The following CEMIP variants were observed in gnomAD, a reference collection of about 807,000 sequenced individuals.
CEMIP encodes the protein cell migration-inducing and hyaluronan-binding protein.
In CEMIP, 105 loss-of-function variants were observed where a neutral mutation model predicts 156.9. That is an observed-to-expected ratio of 0.67 (90% confidence interval 0.57 to 0.79). CEMIP has a LOEUF of 0.79. Ranked by LOEUF, CEMIP falls within the 30% of genes least tolerant of loss-of-function variation. The pLI is 0.00. For synonymous variants in CEMIP, 676 were observed against 668.4 expected (o/e 1.01, Z -0.17); for missense variants, 1,457 against 1,769.4 (o/e 0.82, Z 3.17).
chr15:80,934,415 A>C (rs1313812846), intron 23 of CEMIP, among the ~76,000 whole-genome samples: 1 of 152,208 alleles, frequency 6.6e-6, no homozygotes, highest in Non-Finnish European at 1.5e-5. Flanking sequence ...GCAGAACTTA[A>C]AATATTAGTT....
intron 1 of CEMIP, among the ~76,000 whole-genome samples, chr15:80,872,509 T>C (rs1368520130): frequency 6.6e-6 from 1 of 151,178 alleles, no homozygotes; most frequent in Non-Finnish European, 1.5e-5. Flanking sequence ...TAACGGTGGC[T>C]TAAATAAAAT....
At chr15:80,900,820 A>C in intron 12 of CEMIP, 1 of 374,126 alleles carries the variant, frequency 2.7e-6, no homozygotes, top group Non-Finnish European at 5.3e-6. Flanking sequence ...TGTGAGCCCC[A>C]CCCACCCACC....
chr15:80,887,746 G>A lies in CEMIP; in HGVS notation c.850G>A (p.Asp284Asn). ...AGGAAATCCATCATCTTCAGTGGAAGACCATATTGAATATCATGGTAATAC... is the reference window on the plus strand; with the variant it reads ...AGGAAATCCATCATCTTCAGTGGAAAACCATATTGAATATCATGGTAATAC... Reference protein sequence around the residue: ...VKGNPSSSVEDHIEYHGHRGS... With the variant: ...VKGNPSSSVENHIEYHGHRGS... Residue 284 changes from aspartate to asparagine, a missense_variant, in exon 8 of 30, where the codon GAC becomes AAC. Asp to Asn is a conservative substitution (Grantham distance 23). This residue lies in a region of CEMIP where 17 missense variants were observed against 43.7 expected (regional missense o/e 0.39). Coordinates refer to ENST00000394685, the MANE Select transcript of CEMIP (RefSeq NM_001293298.2). The A allele has an allele frequency of 6.2e-7, 1 of 1,613,430 alleles. No individual in the cohort carries two copies.
intron 1 of CEMIP, among the ~76,000 whole-genome samples, chr15:80,794,996 G>C (rs146634490): frequency 1.3e-5 from 2 of 152,178 alleles, no homozygotes; most frequent in East Asian, 1.9e-4. Flanking sequence ...GACCAAGAGT[G>C]GGGGCAAGGA....
rs1900955047 is a variant in CEMIP, at chr15:80,932,431, G to C, written c.2793+392G>C. Among the ~76,000 whole-genome samples the C allele has an allele frequency of 6.6e-6, 1 of 152,200 alleles. No homozygotes were observed. Among genetic ancestry groups the C allele is most frequent in the Non-Finnish European group, 1.5e-5 (1 of 68,028 alleles). ...CCCACAGTTTCCAAGGGAAGTCTTA[G>C]CTGATGATGTTCTGTTTAATCTCTC... On this transcript the variant is annotated intron_variant, in intron 22 of 29. Transcript: ENST00000394685. This position sits in a 1 kb window ranked among gnomAD's most constrained non-coding sequence, Gnocchi z 4.5.
chr15:80,866,352 G>A lies in CEMIP; in HGVS notation c.-175-7186G>A, dbSNP rs557084182. ...AGCCTGTAATCCCAGCACTTTGGGA[G>A]GTCGAGGCAGGTGGATCACTTGAAG... On this transcript the variant is annotated intron_variant, in intron 1 of 29. Coordinates refer to ENST00000394685, the MANE Select transcript of CEMIP (RefSeq NM_001293298.2). Among the ~76,000 whole-genome samples, 120 of 152,268 alleles carry A rather than the reference G, an allele frequency of 7.9e-4. No individual in the cohort carries two copies. In the South Asian group the frequency reaches 0.01, roughly 13 times the overall value.
intron 1 of CEMIP, among the ~76,000 whole-genome samples, chr15:80,836,288 A>G (rs1195689032): frequency 6.6e-6 from 1 of 152,198 alleles, no homozygotes; most frequent in Admixed American, 6.5e-5. Context: ...CATCTTTTTC[A>G]GGACTGGTGC....
intron 10 of CEMIP, among the ~76,000 whole-genome samples, chr15:80,893,112 G>A (rs1386141941): frequency 6.6e-6 from 1 of 152,134 alleles, no homozygotes; most frequent in Non-Finnish European, 1.5e-5. Context: ...GCTTGAACAG[G>A]TGGAGGTTGC....
At chr15:80,909,823 A>G (rs187485651) in intron 14 of CEMIP, 18 of 352,922 alleles carry the variant, frequency 5.1e-5, no homozygotes, top group Non-Finnish European at 7.8e-5. Flanking sequence ...TCCACAGATA[A>G]TTTTCGTACT....
chr15:80,804,694 A>G (rs1214842432), intron 1 of CEMIP, among the ~76,000 whole-genome samples: 2 of 152,186 alleles, frequency 1.3e-5, no homozygotes, highest in Non-Finnish European at 2.9e-5. Flanking sequence ...ATTCCTTCAC[A>G]GGTGAAAATC....
At chr15:80,879,636 A>G in intron 4 of CEMIP, 80 bp from the exon 5 acceptor site, 1 of 1,556,252 alleles carries the variant, frequency 6.4e-7, no homozygotes, top group South Asian at 1.1e-5. Flanking sequence ...GGGAGTGCTT[A>G]GGGAGTCTGC....
chr15:80,861,142 C>T (rs955829665), intron 1 of CEMIP, among the ~76,000 whole-genome samples: 6 of 152,072 alleles, frequency 3.9e-5, no homozygotes, highest in Admixed American at 6.5e-5. Context: ...TGTTTCCTGC[C>T]GTGTCTCAAT....
At position 80,926,836 on chromosome 15, in the gene CEMIP, C is replaced by CTTTTTTTTTTTTTTT. The variant is rs796068914; in HGVS notation, c.2420+1093_2420+1094insTTTTTTTTTTTTTTT. Reference sequence around the variant, plus strand: ...TGAGCGGGTGGGGGGGGGGGGTCTTCTTTTTTTTTTTTGAGATGGAGTCTT... The same window carrying CTTTTTTTTTTTTTTT: ...TGAGCGGGTGGGGGGGGGGGGTCTTCTTTTTTTTTTTTTTTTTTTTTTTTTTTGAGATGGAGTCTT... On this transcript the variant is annotated intron_variant, in intron 19 of 29. Transcript: ENST00000394685. Among the ~76,000 whole-genome samples the CTTTTTTTTTTTTTTT allele has an allele frequency of 5.2e-4, 56 of 106,768 alleles. 1 individual carries two copies. The highest frequency in any genetic ancestry group is 2.6e-3 in the African/African-American group (50 of 19,276). The allele number at this position is 106,768 out of a possible 152,430, so 70.0% of individuals were successfully genotyped here.
intron 19 of CEMIP, among the ~76,000 whole-genome samples, chr15:80,926,831 G>GGGGCT (rs1900696426): frequency 9.4e-6 from 1 of 106,544 alleles, no homozygotes; most frequent in African/African-American, 5.1e-5. Flanking sequence ...GGGGGGGGGG[G>GGGGCT]TCTTCTTTTT....
In CEMIP at chr15:80,950,812, CAG is replaced by C. The variant is rs2141774699; in HGVS notation, c.*1891_*1892del. 6.5e-6 allele frequency: 1 copy of C among 152,798 alleles called. No individual in the cohort carries two copies. Among genetic ancestry groups the C allele is most frequent in the South Asian group, 2.1e-4 (1 of 4,834 alleles). The allele number at this position is 152,798 out of a possible 1,614,324, so 9.5% of individuals were successfully genotyped here. The stretch of plus-strand genomic sequence containing the variant: ...TGGTTTATAATCTTGCACGAGGCAC[CAG>C]AGTCTCCCTGGGTCTTGTGATGAAC... On this transcript the variant is annotated 3_prime_UTR_variant, in exon 30 of 30. Transcript: ENST00000394685.
rs201722725 is a variant in CEMIP at position 80,943,015 on chromosome 15, G to A, written c.3770G>A (p.Arg1257His). Residue 1257 changes from arginine (R) to histidine (H), a missense_variant, in exon 28 of 30, where the codon CGC (arginine) becomes CAC (histidine). Physicochemically the swap from Arg to His is conservative, Grantham distance 29. Around this residue, in one of 5 missense-constraint regions of CEMIP, gnomAD observed 798 missense variants for 980.1 expected, o/e 0.81. Coordinates refer to ENST00000394685, the MANE Select transcript of CEMIP (RefSeq NM_001293298.2). ...QVVVIDGNQG[R>H]VVSHTSFRNS... ...GTGGTGATTGACGGGAACCAAGGGC[G>A]CGTGGTGAGCCACACGAGCTTCAGG... 2.3e-4 allele frequency: 377 copies of A among 1,614,196 alleles called. No individual in the cohort carries two copies. Among genetic ancestry groups the A allele is most frequent in the Non-Finnish European group, 3.0e-4 (352 of 1,180,030 alleles).
intron 12 of CEMIP, among the ~76,000 whole-genome samples, chr15:80,900,493 A>G (rs1315816534): frequency 2.6e-5 from 4 of 151,718 alleles, no homozygotes; most frequent in East Asian, 2.0e-4. Context: ...TTCGGCTCGG[A>G]GCAGCCACCT....
At chr15:80,790,968 A>G (rs1271747369) in intron 1 of CEMIP, among the ~76,000 whole-genome samples, 1 of 152,218 alleles carries the variant, frequency 6.6e-6, no homozygotes, top group Non-Finnish European at 1.5e-5. Flanking sequence ...AAGTGATGGT[A>G]AACTACTTTG....
rs762098651 is a variant in CEMIP, at chr15:80,920,138, C to T, written c.1842C>T (p.Phe614=). Residue 614 remains phenylalanine (F), a synonymous_variant, in exon 15 of 30, where the codon TTC becomes TTT. Transcript: ENST00000394685. ...ATAACTCTTTGGGCCACTGCTTCTT[C>T]ACGGAAGATGGGCCGGAGGAACGCA... ...VGYNSLGHCF[F]TEDGPEERNT... The T allele has an allele frequency of 1.3e-5, 21 of 1,614,106 alleles. No individual in the cohort carries two copies. The highest frequency in any genetic ancestry group is 1.8e-5 in the Non-Finnish European group (21 of 1,180,044).
Sources: allele counts gnomAD v4.1 joint callset (sites outside exome capture counted in the v4.1 genomes callset), GRCh38; gene constraint gnomAD v4.1.1; regional missense constraint gnomAD v4.1.1; non-coding constraint Gnocchi (gnomAD v3.1); transcripts MANE v1.5; gene names NCBI Gene and HGNC (gene_info 2026-07-23, HGNC 2026-07-21).